Variants in NACC2 observed in about 807,000 individuals in gnomAD.
NACC2 encodes the protein nucleus accumbens-associated protein 2.
In NACC2, 8 loss-of-function variants were observed where a neutral mutation model predicts 25.1. The ratio of observed to expected loss-of-function variants is 0.32; its 90% CI spans 0.19 to 0.57. NACC2 has a LOEUF of 0.57. Ranked by LOEUF, NACC2 falls within the 20% of genes least tolerant of loss-of-function variation. The pLI, the probability that NACC2 is intolerant of heterozygous loss-of-function variation, is 0.89. For synonymous variants in NACC2, 435 were observed against 294.7 expected (o/e 1.48, Z -4.88); for missense variants, 644 against 650.2 (o/e 0.99, Z 0.10).
intron 2 of NACC2, among the ~76,000 whole-genome samples, chr9:136,044,031 G>A (rs995270433): frequency 2.6e-5 from 4 of 152,160 alleles, no homozygotes; most frequent in Non-Finnish European, 5.9e-5. Context: ...CGCCATGTTG[G>A]CCAGCCAGCT....
At chr9:136,065,385 C>T (rs1185630230) in intron 1 of NACC2, among the ~76,000 whole-genome samples, 3 of 152,078 alleles carry the variant, frequency 2.0e-5, no homozygotes, top group Non-Finnish European at 2.9e-5. Flanking sequence ...TTTGGGAGGC[C>T]GAGGCGGGCA....
At chr9:136,087,823 C>T (rs575668343) in intron 1 of NACC2, among the ~76,000 whole-genome samples, 1 of 152,324 alleles carries the variant, frequency 6.6e-6, no homozygotes, top group African/African-American at 2.4e-5. Context: ...CCAACGAGGC[C>T]CCAAGCGCCC....
intron 1 of NACC2, among the ~76,000 whole-genome samples, chr9:136,056,009 G>A (rs979016852): frequency 1.2e-4 from 18 of 152,154 alleles, no homozygotes; most frequent in Admixed American, 2.0e-4. Flanking sequence ...GCCCACCTCC[G>A]CGCAACGCCT....
chr9:136,080,297 C>G (rs1416850377), intron 1 of NACC2, among the ~76,000 whole-genome samples: 2 of 152,218 alleles, frequency 1.3e-5, no homozygotes, highest in Non-Finnish European at 2.9e-5. Context: ...AGCCCAGGCC[C>G]CTTCGCTGCC....
chr9:136,067,544 C>G (rs1017241181), intron 1 of NACC2, among the ~76,000 whole-genome samples: 1 of 151,974 alleles, frequency 6.6e-6, no homozygotes, highest in African/African-American at 2.4e-5. Context: ...TGCACTTAAA[C>G]GATGCTCGAT....
chr9:136,091,892 C>T (rs1275474337), intron 1 of NACC2, among the ~76,000 whole-genome samples: 1 of 152,204 alleles, frequency 6.6e-6, no homozygotes, highest in East Asian at 1.9e-4. Context: ...ATCCCTGCCC[C>T]GCAACAGAGG....
intron 1 of NACC2, among the ~76,000 whole-genome samples, chr9:136,093,715 G>A (rs1717452): frequency 0.19 from 28,684 of 151,438 alleles, 5,450 homozygotes; most frequent in African/African-American, 0.5. Context: ...AGGGGAAAAC[G>A]CCAAGAGGCC....
intron 1 of NACC2, among the ~76,000 whole-genome samples, chr9:136,068,076 C>T (rs186448144): frequency 3.3e-5 from 5 of 152,222 alleles, no homozygotes; most frequent in South Asian, 4.1e-4. Context: ...ATGGAACTTG[C>T]GGGACTGGGC....
chr9:136,071,874 A>G (rs372904249), intron 1 of NACC2, among the ~76,000 whole-genome samples: 1 of 152,276 alleles, frequency 6.6e-6, no homozygotes, highest in South Asian at 2.1e-4. Flanking sequence ...TTTGAAGCCA[A>G]TGGAGCTGGG....
intron 2 of NACC2, among the ~76,000 whole-genome samples, chr9:136,044,430 A>G (rs1049164983): frequency 3.8e-4 from 58 of 152,192 alleles, no homozygotes; most frequent in African/African-American, 1.4e-3. Flanking sequence ...TTGCAGGGGT[A>G]TTGGCCCTTC....
rs1195357090 is a variant in NACC2, at chr9:136,013,581, G to A, written c.1157+283C>T. On this transcript the variant is annotated intron_variant, in intron 4 of 5. Coordinates refer to ENST00000277554, the MANE Select transcript of NACC2 (RefSeq NM_144653.5). The surrounding 1 kb of genome is among the most constrained non-coding windows in gnomAD (Gnocchi z 6.6). Reference sequence around the variant, plus strand: ...AGGAAGCCGCTGTGTCCTCGGGAAGGGTTCTGTTGGCCCATCAGCACAACA... The same window carrying A: ...AGGAAGCCGCTGTGTCCTCGGGAAGAGTTCTGTTGGCCCATCAGCACAACA... Among the ~76,000 whole-genome samples, 1 of 152,222 alleles carries A rather than the reference G, an allele frequency of 6.6e-6. No homozygotes were observed. Among genetic ancestry groups the A allele is most frequent in the Non-Finnish European group, 1.5e-5 (1 of 68,042 alleles).
At chr9:136,034,143 T>A (rs1340920382) in intron 2 of NACC2, among the ~76,000 whole-genome samples, 1 of 151,984 alleles carries the variant, frequency 6.6e-6, no homozygotes, top group Non-Finnish European at 1.5e-5. Context: ...CAAACACATA[T>A]AATTTACAGA....
chr9:136,056,398 C>A (rs570057215), intron 1 of NACC2, among the ~76,000 whole-genome samples: 1 of 152,196 alleles, frequency 6.6e-6, no homozygotes, highest in Non-Finnish European at 1.5e-5. Flanking sequence ...CTCACCTCCC[C>A]GCTACTGGAC....
intron 1 of NACC2, among the ~76,000 whole-genome samples, chr9:136,059,112 A>G (rs1019461200): frequency 2.0e-5 from 3 of 152,218 alleles, no homozygotes; most frequent in Admixed American, 2.0e-4. Context: ...AACCCCTGCA[A>G]GCAGCACAGA....
At chr9:136,074,957 C>G (rs1830245468) in intron 1 of NACC2, among the ~76,000 whole-genome samples, 1 of 152,234 alleles carries the variant, frequency 6.6e-6, no homozygotes, top group African/African-American at 2.4e-5. Flanking sequence ...CCCGGGAGCT[C>G]TGTCCCCCAC....
At chr9:136,092,522 C>T (rs572584271) in intron 1 of NACC2, among the ~76,000 whole-genome samples, 5 of 152,306 alleles carry the variant, frequency 3.3e-5, no homozygotes, top group East Asian at 1.9e-4. Flanking sequence ...GCTTCTCCTT[C>T]GAGCCACGCC....
At chr9:136,028,377 T>TTTC (rs1491376861) in intron 2 of NACC2, among the ~76,000 whole-genome samples, 1 of 39,072 alleles carries the variant, frequency 2.6e-5, no homozygotes, top group Admixed American at 2.5e-4. Flanking sequence ...CTTTGCTTCC[T>TTTC]TTTTTTTTTT....
chr9:136,072,344 G>T (rs914553597), intron 1 of NACC2, among the ~76,000 whole-genome samples: 1 of 152,100 alleles, frequency 6.6e-6, no homozygotes, highest in Non-Finnish European at 1.5e-5. Flanking sequence ...CCAGGAGTTT[G>T]AGATCAGAAT....
intron 1 of NACC2, among the ~76,000 whole-genome samples, chr9:136,058,105 C>CGG (rs370517161): frequency 1.3e-5 from 2 of 151,682 alleles, no homozygotes; most frequent in African/African-American, 4.8e-5. Flanking sequence ...CCACTGGGGG[C>CGG]GGGGGGGGCC....
Sources: allele counts gnomAD v4.1 joint callset (sites outside exome capture counted in the v4.1 genomes callset), GRCh38; gene constraint gnomAD v4.1.1; non-coding constraint Gnocchi (gnomAD v3.1); transcripts MANE v1.5; gene names NCBI Gene and HGNC (gene_info 2026-07-23, HGNC 2026-07-21).